The following DLGAP2 variants were observed in gnomAD, a reference collection of about 807,000 sequenced individuals.
DLGAP2 encodes the protein disks large-associated protein 2.
A neutral mutation model predicts 100.3 loss-of-function variants in DLGAP2; 26 were observed. The ratio of observed to expected loss-of-function variants is 0.26; its 90% confidence interval spans 0.19 to 0.36. The LOEUF (loss-of-function observed/expected upper bound fraction) is 0.36. DLGAP2 is among the 10% of genes least tolerant of loss of function. The pLI, the probability that DLGAP2 is intolerant of heterozygous loss-of-function variation, is 1.00. For synonymous variants in DLGAP2, 886 were observed against 630.1 expected, an observed-to-expected ratio of 1.41 and a Z score of -6.08; for missense variants, 1,858 against 1,453.2, an observed-to-expected ratio of 1.28 and a Z score of -4.53.
intron 6 of DLGAP2, among the ~76,000 whole-genome samples, chr8:1,600,080 C>G (rs2130700054): frequency 6.6e-6 from 1 of 152,270 alleles, no homozygotes; most frequent in South Asian, 2.1e-4. Flanking sequence ...GTGATAATAT[C>G]TCCCAGCATT....
chr8:1,349,311 G>A (rs1040128269), intron 3 of DLGAP2, among the ~76,000 whole-genome samples: 3 of 150,214 alleles, frequency 2.0e-5, no homozygotes, highest in East Asian at 2.0e-4. Flanking sequence ...TGAGCCTCCC[G>A]CCCACATCCA....
chr8:1,435,369 G>T lies in DLGAP2; in HGVS notation c.107-65997G>T, dbSNP rs532935959. On this transcript the variant is annotated intron_variant, in intron 3 of 14. Transcript: ENST00000637795. Reference sequence around the variant, plus strand: ...TCACGCACCGCACACGGGTGTTTCAGTCAAAGACAAACTGCAGGTGCAGCG... The same window carrying T: ...TCACGCACCGCACACGGGTGTTTCATTCAAAGACAAACTGCAGGTGCAGCG... Among the ~76,000 whole-genome samples the T allele has an allele frequency of 2.0e-5, 3 of 152,292 alleles. No individual in the cohort carries two copies. In the East Asian group the frequency reaches 5.8e-4, roughly 30 times the overall value.
At position 1,496,582 on chromosome 8, in the gene DLGAP2, G is replaced by A. The variant is rs558787822; in HGVS notation, c.107-4784G>A. ...TCACTGAGCAAAGGAAGGCAAACGT[G>A]GCGCACCCAGCACAGTGATCACGGC... On this transcript the variant is annotated intron_variant, in intron 3 of 14. Coordinates refer to ENST00000637795, the MANE Select transcript of DLGAP2 (RefSeq NM_001346810.2). 8.3e-4 allele frequency among the ~76,000 whole-genome samples: 127 copies of A among 152,294 alleles called. 1 individual carries two copies. Among genetic ancestry groups the A allele is most frequent in the African/African-American group, 3.0e-3 (124 of 41,572 alleles).
intron 4 of DLGAP2, among the ~76,000 whole-genome samples, chr8:1,515,192 A>G (rs1301873662): frequency 2.0e-5 from 3 of 152,194 alleles, no homozygotes; most frequent in Non-Finnish European, 2.9e-5. Context: ...TGTTGCATTG[A>G]TTCTTTTGCA....
chr8:1,501,517 C>T, intron 4 of DLGAP2, 86 bp downstream of exon 4: 1 of 1,279,338 alleles, frequency 7.8e-7, no homozygotes. Context: ...CGGACCGTCC[C>T]ACAAACACAC....
chr8:1,595,017 C>A (rs1244231592), intron 6 of DLGAP2, among the ~76,000 whole-genome samples: 2 of 152,026 alleles, frequency 1.3e-5, no homozygotes, highest in African/African-American at 2.4e-5. Context: ...GTCCTCCACA[C>A]AACAGCTCCT....
chr8:1,267,511 A>T (rs1270091310), intron 3 of DLGAP2, among the ~76,000 whole-genome samples: 1 of 149,894 alleles, frequency 6.7e-6, no homozygotes, highest in East Asian at 2.0e-4. Context: ...GTGAGCTGAG[A>T]TTGTGCCACT....
intron 1 of DLGAP2, among the ~76,000 whole-genome samples, chr8:747,701 G>A (rs867534613): frequency 9.6e-6 from 1 of 103,870 alleles, no homozygotes; most frequent in Non-Finnish European, 2.0e-5. Context: ...GGATGGGCGG[G>A]TCTGTGGTGG....
chr8:1,067,794 A>G (rs1803304070), intron 2 of DLGAP2, among the ~76,000 whole-genome samples: 1 of 151,996 alleles, frequency 6.6e-6, no homozygotes, highest in African/African-American at 2.4e-5. Context: ...TGATGGACCA[A>G]CACGACACGT....
At chr8:867,140 C>T (rs963136195) in intron 1 of DLGAP2, among the ~76,000 whole-genome samples, 5 of 152,222 alleles carry the variant, frequency 3.3e-5, no homozygotes, top group African/African-American at 9.6e-5. Flanking sequence ...CCACAGACTT[C>T]TCAGTTCAGA....
At chr8:1,464,044 G>C (rs889032470) in intron 3 of DLGAP2, among the ~76,000 whole-genome samples, 12 of 152,228 alleles carry the variant, frequency 7.9e-5, no homozygotes, top group African/African-American at 2.9e-4. Context: ...GAAATCAACA[G>C]AATTCACTGA....
intron 2 of DLGAP2, among the ~76,000 whole-genome samples, chr8:953,362 T>A (rs1799526092): frequency 6.6e-6 from 1 of 152,016 alleles, no homozygotes; most frequent in African/African-American, 2.4e-5. Flanking sequence ...CCCGGCTAAT[T>A]TTTGTATTTT....
intron 2 of DLGAP2, among the ~76,000 whole-genome samples, chr8:1,164,452 G>A (rs114160736): frequency 2.0e-5 from 3 of 151,818 alleles, no homozygotes; most frequent in Non-Finnish European, 2.9e-5. Flanking sequence ...GTCTGGAGGC[G>A]ATGGCCTGGC....
At chr8:1,536,110 C>A (rs929447923) in intron 4 of DLGAP2, among the ~76,000 whole-genome samples, 1 of 152,140 alleles carries the variant, frequency 6.6e-6, no homozygotes, top group African/African-American at 2.4e-5. Flanking sequence ...AGGACAAGCA[C>A]CTAGGGCAGG....
At chr8:1,074,957 C>T (rs1048446878) in intron 2 of DLGAP2, among the ~76,000 whole-genome samples, 1 of 149,790 alleles carries the variant, frequency 6.7e-6, no homozygotes, top group African/African-American at 2.5e-5. Flanking sequence ...ATCTCACCAA[C>T]AAACAGTGCA....
At chr8:1,637,156 G>A (rs77552639) in intron 8 of DLGAP2, among the ~76,000 whole-genome samples, 1 of 152,122 alleles carries the variant, frequency 6.6e-6, no homozygotes, top group African/African-American at 2.4e-5. Context: ...ACCTCTGACC[G>A]GGCCCTTCAC....
At chr8:1,318,724 G>A (rs1266858553) in intron 3 of DLGAP2, among the ~76,000 whole-genome samples, 7 of 150,932 alleles carry the variant, frequency 4.6e-5, no homozygotes, top group Non-Finnish European at 8.8e-5. Context: ...GTTCCTATTC[G>A]TACTTAATAT....
intron 8 of DLGAP2, among the ~76,000 whole-genome samples, chr8:1,653,756 G>A (rs1233473657): frequency 6.6e-6 from 1 of 151,828 alleles, no homozygotes; most frequent in African/African-American, 2.4e-5. Context: ...TTTCCATTAG[G>A]GTCACCTTAA....
chr8:1,439,837 T>G lies in DLGAP2; in HGVS notation c.107-61529T>G, dbSNP rs1797776843. 2.0e-5 allele frequency among the ~76,000 whole-genome samples: 3 copies of G among 152,132 alleles called. No individual in the cohort carries two copies. In the South Asian group the frequency reaches 6.2e-4, roughly 32 times the overall value. ...ATTTGAGGGCAGAGATGTTGCATAGTGAGGTGCTTGCTCTGGAGGCCTCTT... is the reference window on the plus strand; with the variant it reads ...ATTTGAGGGCAGAGATGTTGCATAGGGAGGTGCTTGCTCTGGAGGCCTCTT... On this transcript the variant is annotated intron_variant, in intron 3 of 14. Transcript: ENST00000637795.
Sources: allele counts gnomAD v4.1 joint callset (sites outside exome capture counted in the v4.1 genomes callset), GRCh38; gene constraint gnomAD v4.1.1; transcripts MANE v1.5; gene names NCBI Gene and HGNC (gene_info 2026-07-23, HGNC 2026-07-21).